RIMS1: variants seen among roughly 807,000 people sequenced by gnomAD.
RIMS1 encodes regulating synaptic membrane exocytosis protein 1.
Under a neutral mutation model 214.1 loss-of-function variants are expected in RIMS1, and 83 were observed. The ratio of observed to expected loss-of-function variants is 0.39; its 90% CI spans 0.32 to 0.47. The LOEUF is 0.47. Ranked by LOEUF, RIMS1 falls within the 20% of genes least tolerant of loss-of-function variation. RIMS1 has a pLI of 0.99. For missense variants in RIMS1, 2,050 were observed against 2,161.8 expected (o/e 0.95, Z 1.03); for synonymous variants, 793 against 786.8 (o/e 1.01, Z -0.13).
chr6:71,886,608 C>CCAGCCA lies in RIMS1; in HGVS notation c.-411_-410insACAGCC, dbSNP rs1767848468. On this transcript the variant is annotated 5_prime_UTR_variant, in exon 1 of 34. Coordinates refer to ENST00000521978, the MANE Select transcript of RIMS1 (RefSeq NM_014989.7). ...CACGGCGGCAGCGGCCGCCCCAGTC[C>CCAGCCA]CAGCCCCAGCCCCAGCCCCAGCCCC... 1 of 69,830 alleles carries CCAGCCA rather than the reference C, an allele frequency of 1.4e-5. No individual in the cohort carries two copies. The highest frequency in any genetic ancestry group is 3.9e-5 in the Non-Finnish European group (1 of 25,434). The allele number at this position is 69,830 out of a possible 1,614,324, so 4.3% of individuals were successfully genotyped here. A position where few individuals can be genotyped will look rare whatever the true frequency, so the allele number is the denominator to read the frequency against.
intron 4 of RIMS1, among the ~76,000 whole-genome samples, chr6:72,144,328 T>C (rs1186789073): frequency 6.6e-6 from 1 of 152,232 alleles, no homozygotes; most frequent in African/African-American, 2.4e-5. Context: ...AACATCTACT[T>C]AACTTCTTGA....
intron 4 of RIMS1, among the ~76,000 whole-genome samples, chr6:72,168,890 G>A (rs2046646904): frequency 6.6e-6 from 1 of 152,060 alleles, no homozygotes. Flanking sequence ...GCTCATGTCT[G>A]TCTACTGTAA....
In RIMS1 at chr6:71,940,162, G is replaced by A. The variant is rs190659289; in HGVS notation, c.165-28821G>A. Among the ~76,000 whole-genome samples the A allele has an allele frequency of 3.1e-3, 474 of 152,224 alleles. 10 individuals are homozygous for A. The highest frequency in any genetic ancestry group is 0.019 in the Admixed American group (284 of 15,280). On this transcript the variant is annotated intron_variant, in intron 1 of 33. Coordinates refer to ENST00000521978, the MANE Select transcript of RIMS1 (RefSeq NM_014989.7). ...CAGTGGTGTTTGGGGCTATGGGATGGCATTTTAACTGAGATTCTGGAATTC... is the reference window on the plus strand; with the variant it reads ...CAGTGGTGTTTGGGGCTATGGGATGACATTTTAACTGAGATTCTGGAATTC...
At chr6:71,946,843 G>A (rs375615771) in intron 1 of RIMS1, among the ~76,000 whole-genome samples, 1 of 151,964 alleles carries the variant, frequency 6.6e-6, no homozygotes, top group African/African-American at 2.4e-5. Flanking sequence ...TAAACAGAAT[G>A]AGGAGACAAC....
At chr6:71,987,486 A>G (rs1256752017) in intron 2 of RIMS1, among the ~76,000 whole-genome samples, 3 of 152,158 alleles carry the variant, frequency 2.0e-5, no homozygotes, top group South Asian at 4.1e-4. Context: ...CTCATGACTT[A>G]ACTCTCAAAG....
At chr6:71,951,672 T>A (rs959715011) in intron 1 of RIMS1, among the ~76,000 whole-genome samples, 14 of 151,546 alleles carry the variant, frequency 9.2e-5, no homozygotes, top group African/African-American at 3.4e-4. Flanking sequence ...TTTTTTTTTT[T>A]TTTTTTAATA....
intron 1 of RIMS1, among the ~76,000 whole-genome samples, chr6:71,958,397 G>A (rs1035465218): frequency 6.6e-6 from 1 of 152,156 alleles, no homozygotes; most frequent in Admixed American, 6.6e-5. Context: ...ATTCTCTTAT[G>A]CCTATATAAG....
intron 2 of RIMS1, among the ~76,000 whole-genome samples, chr6:71,983,403 CAGGGA>C (rs1798989724): frequency 6.6e-6 from 1 of 151,784 alleles, no homozygotes; most frequent in South Asian, 2.1e-4. Context: ...TTAAGTTATA[CAGGGA>C]AAGGCCCAGT....
chr6:72,192,104 A>G (rs958610930), intron 6 of RIMS1, among the ~76,000 whole-genome samples: 7 of 152,188 alleles, frequency 4.6e-5, no homozygotes, highest in Admixed American at 1.3e-4. Context: ...GCATTCTGTT[A>G]CTGGGGAAAT....
At chr6:72,204,694 A>G (rs188599894) in intron 6 of RIMS1, among the ~76,000 whole-genome samples, 1,706 of 152,316 alleles carry the variant, frequency 0.011, 10 homozygotes, top group Non-Finnish European at 0.017. Flanking sequence ...TTCTACATTT[A>G]TATATTGTTT....
intron 4 of RIMS1, among the ~76,000 whole-genome samples, chr6:72,174,172 C>T (rs1207624000): frequency 6.6e-6 from 1 of 152,170 alleles, no homozygotes; most frequent in Non-Finnish European, 1.5e-5. Context: ...TCACTTACCA[C>T]CCTTTTACAT....
chr6:72,266,213 T>C (rs894014957), intron 22 of RIMS1, 164 bp downstream of exon 22: 16 of 667,594 alleles, frequency 2.4e-5, no homozygotes, highest in African/African-American at 1.8e-4. Context: ...TTTAGAGATA[T>C]GCGTATGTGG....
At position 72,264,997 on chromosome 6, in the gene RIMS1, A is replaced by G. The variant is rs762649606; in HGVS notation, c.3139A>G (p.Thr1047Ala). 6.3e-7 allele frequency: 1 copy of G among 1,597,286 alleles called. No homozygotes were observed. The highest frequency in any genetic ancestry group is 1.1e-5 in the South Asian group (1 of 88,270). ...CAGACATCTTGTTAGGCACTATAAA[A>G]CATTACCTCCCAAGATGCCTTTATT... The part of the protein sequence containing the change: ...TTRHLVRHYK[T>A]LPPKMPLLQS... Residue 1047 changes from threonine to alanine, a missense_variant, in exon 20 of 34, where the codon ACA becomes GCA. Physicochemically the swap from Thr to Ala is moderately conservative, Grantham distance 58. This residue lies in a region of RIMS1 where 889 missense variants were observed against 885.5 expected (regional missense o/e 1.00). Transcript: ENST00000521978.
intron 19 of RIMS1, chr6:72,261,697 C>A: frequency 1.0e-6 from 1 of 984,974 alleles, no homozygotes; most frequent in Middle Eastern, 5.2e-4. Context: ...AAGACAAATG[C>A]ATGATTTATT....
intron 2 of RIMS1, among the ~76,000 whole-genome samples, chr6:72,016,400 A>G (rs757287939): frequency 4.6e-5 from 7 of 152,118 alleles, no homozygotes; most frequent in African/African-American, 1.7e-4. Flanking sequence ...AATTCCTTCT[A>G]CAAGCTACCT....
At chr6:72,215,778 CTTTT>C (rs1265997595) in intron 6 of RIMS1, among the ~76,000 whole-genome samples, 1 of 152,060 alleles carries the variant, frequency 6.6e-6, no homozygotes. Context: ...TAAATATGTT[CTTTT>C]AAGAGAGAAA....
chr6:72,313,830 G>A (rs2095632124), intron 28 of RIMS1, among the ~76,000 whole-genome samples, 158 bp downstream of exon 28: 1 of 152,140 alleles, frequency 6.6e-6, no homozygotes, highest in African/African-American at 2.4e-5. Flanking sequence ...GTTTAGTATT[G>A]ACTACTATCA....
chr6:71,976,564 A>G (rs1797198157), intron 2 of RIMS1, among the ~76,000 whole-genome samples: 1 of 152,088 alleles, frequency 6.6e-6, no homozygotes, highest in Non-Finnish European at 1.5e-5. Context: ...TTTTCTTGAT[A>G]GTACTTTTGA....
intron 31 of RIMS1, among the ~76,000 whole-genome samples, chr6:72,396,366 A>G (rs1280963973): frequency 6.6e-6 from 1 of 152,194 alleles, no homozygotes; most frequent in East Asian, 1.9e-4. Context: ...AAAGACATTC[A>G]GAAATATGCA....
Sources: gnomAD v4.1 joint callset for allele counts (sites outside exome capture counted in the v4.1 genomes callset) on GRCh38, gnomAD v4.1.1 for gene constraint, gnomAD v4.1.1 regional missense constraint, MANE v1.5 for transcripts, NCBI Gene and HGNC (gene_info 2026-07-23, HGNC 2026-07-21) for gene names.